LCE3D: variants seen among roughly 807,000 people sequenced by gnomAD.
The protein encoded by LCE3D is late cornified envelope protein 3D.
For synonymous variants in LCE3D, 46 were observed against 47.3 expected, an observed-to-expected ratio of 0.97 and a Z score of 0.11; for missense variants, 124 against 121.1, an observed-to-expected ratio of 1.02 and a Z score of -0.11.
In LCE3D at chr1:152,579,951, A is replaced by G. The variant is rs1479004034; in HGVS notation, c.-15T>C. 6.2e-7 allele frequency: 1 copy of G among 1,613,718 alleles called. No homozygotes were observed. Among genetic ancestry groups the G allele is most frequent in the African/African-American group, 1.3e-5 (1 of 74,904 alleles). ...TGGCAGGACATCTTGGCAGGAGTTGAGTTGTCCTGGACAAAACAAAGCCAT... is the reference window on the plus strand; with the variant it reads ...TGGCAGGACATCTTGGCAGGAGTTGGGTTGTCCTGGACAAAACAAAGCCAT... On this transcript the variant is annotated 5_prime_UTR_variant, in exon 2 of 2. Coordinates refer to ENST00000368787, the MANE Select transcript of LCE3D (RefSeq NM_032563.2).
chr1:152,579,456 G>C lies in LCE3D; in HGVS notation c.*202C>G. ...CTGCCAATCCTTCACAGGTACAGGG[G>C]TAAGGGAACATGTGACATCCTGGAC... On this transcript the variant is annotated 3_prime_UTR_variant, in exon 2 of 2. Coordinates refer to ENST00000368787, the MANE Select transcript of LCE3D (RefSeq NM_032563.2). 1 of 748,982 alleles carries C rather than the reference G, an allele frequency of 1.3e-6. No homozygotes were observed. The highest frequency in any genetic ancestry group is 2.1e-6 in the Non-Finnish European group (1 of 468,510). The allele number at this position is 748,982 out of a possible 1,614,324, so 46.4% of individuals were successfully genotyped here. A position where few individuals can be genotyped will look rare whatever the true frequency, so the allele number is the denominator to read the frequency against.
In LCE3D at chr1:152,579,591, G is replaced by T; in HGVS notation, c.*67C>A. The T allele has an allele frequency of 6.2e-7, 1 of 1,606,102 alleles. No individual in the cohort carries two copies. Among genetic ancestry groups the T allele is most frequent in the South Asian group, 1.1e-5 (1 of 90,182 alleles). On this transcript the variant is annotated 3_prime_UTR_variant, in exon 2 of 2. Coordinates refer to ENST00000368787, the MANE Select transcript of LCE3D (RefSeq NM_032563.2). ...ATCTGGGAACTCATGCATCAAGATG[G>T]GGTTTTCCTGGGCCCTTGGGATTCT...
At position 152,579,505 on chromosome 1, in the gene LCE3D, G is replaced by T; in HGVS notation, c.*153C>A. The T allele has an allele frequency of 8.5e-7, 1 of 1,182,362 alleles. No homozygotes were observed. Among genetic ancestry groups the T allele is most frequent in the African/African-American group, 1.5e-5 (1 of 65,754 alleles). 73.2% of individuals were successfully genotyped at this position (1,182,362 alleles called of 1,614,324 possible). A position where few individuals can be genotyped will look rare whatever the true frequency, so the allele number is the denominator to read the frequency against. On this transcript the variant is annotated 3_prime_UTR_variant, in exon 2 of 2. Coordinates refer to ENST00000368787, the MANE Select transcript of LCE3D (RefSeq NM_032563.2). ...ACATCAGACAGGAAGTGCCTTCTGG[G>T]GAGAGCTCAGACCTTCCACAGGAAA...
In LCE3D at chr1:152,579,881, G is replaced by T. The variant is rs767104624; in HGVS notation, c.56C>A (p.Pro19His). 4 of 1,613,882 alleles carry T rather than the reference G, an allele frequency of 2.5e-6. No individual in the cohort carries two copies. The highest frequency in any genetic ancestry group is 3.4e-6 in the Non-Finnish European group (4 of 1,180,032). The part of the protein sequence containing the change: ...QCQPPPKCPS[P>H]KCPPKSPVQC... ...TACTGGGCTCTTTGGGGGACACTTG[G>T]GTGAGGGACACTTGGGTGGGGGTTG... The change falls in exon 2 of 2, where the codon CCC becomes CAC. Residue 19 changes from proline (P) to histidine (H), a missense_variant. By Grantham distance (77) the Pro-to-His change is moderately conservative. Coordinates refer to ENST00000368787, the MANE Select transcript of LCE3D (RefSeq NM_032563.2).
In LCE3D at chr1:152,579,506, G is replaced by A. The variant is rs1430231076; in HGVS notation, c.*152C>T. The A allele has an allele frequency of 1.6e-5, 19 of 1,191,064 alleles. No individual in the cohort carries two copies. Among genetic ancestry groups the A allele is most frequent in the Non-Finnish European group, 2.0e-5 (17 of 848,714 alleles). 73.8% of individuals were successfully genotyped at this position (1,191,064 alleles called of 1,614,324 possible). ...CATCAGACAGGAAGTGCCTTCTGGG[G>A]AGAGCTCAGACCTTCCACAGGAAAA... On this transcript the variant is annotated 3_prime_UTR_variant, in exon 2 of 2. Transcript: ENST00000368787.
rs1205901152 is a variant in LCE3D at position 152,579,670 on chromosome 1, T to C, written c.267A>G (p.Gly89=). 1.2e-6 allele frequency: 2 copies of C among 1,613,770 alleles called. No individual in the cohort carries two copies. The highest frequency in any genetic ancestry group is 2.2e-5 in the East Asian group (1 of 44,856). ...ATCAGGATCCAGGTCAGCAGCAGCC[T>C]CCAGAGCCATGGCCGCAGCCAGAGC... ...GGGSGCGHGS[G]GCC The change falls in exon 2 of 2, where the codon GGA becomes GGG. Residue 89 remains glycine, a synonymous_variant. Coordinates refer to ENST00000368787, the MANE Select transcript of LCE3D (RefSeq NM_032563.2).
At position 152,579,600 on chromosome 1, in the gene LCE3D, T is replaced by C; in HGVS notation, c.*58A>G. On this transcript the variant is annotated 3_prime_UTR_variant, in exon 2 of 2. Transcript: ENST00000368787. ...CTCATGCATCAAGATGGGGTTTTCC[T>C]GGGCCCTTGGGATTCTTGTTTCCTC... 6.2e-7 allele frequency: 1 copy of C among 1,609,812 alleles called. No individual in the cohort carries two copies. The highest frequency in any genetic ancestry group is 8.5e-7 in the Non-Finnish European group (1 of 1,178,704).
At chr1:152,580,001 A>G in intron 1 of LCE3D, 44 bp from the exon 2 acceptor site, 1 of 1,611,454 alleles carries the variant, frequency 6.2e-7, no homozygotes, top group East Asian at 2.2e-5. Context: ...TCTACAGTCC[A>G]ATGTCTCTAA....
At chr1:152,580,169 T>C (rs1332239306) in intron 1 of LCE3D, among the ~76,000 whole-genome samples, 1 of 151,928 alleles carries the variant, frequency 6.6e-6, no homozygotes, top group Non-Finnish European at 1.5e-5. Flanking sequence ...AAAGAGCCTC[T>C]AGGAATGTAC....
chr1:152,579,786 C>T lies in LCE3D; in HGVS notation c.151G>A (p.Gly51Ser), dbSNP rs145962377. The change falls in exon 2 of 2, where the codon GGC becomes AGC. Residue 51 changes from glycine to serine, a missense_variant. Transcript: ENST00000368787. ...SGGCGPSSEG[G>S]CFLNHHRRHH... ...CGCCTGTGGTGGTTCAGGAAGCAGCCGCCCTCGGAGCTAGGGCCACAGCCC... is the reference window on the plus strand; with the variant it reads ...CGCCTGTGGTGGTTCAGGAAGCAGCTGCCCTCGGAGCTAGGGCCACAGCCC... 4.6e-4 allele frequency: 740 copies of T among 1,613,834 alleles called. No individual in the cohort carries two copies. Among genetic ancestry groups the T allele is most frequent in the Non-Finnish European group, 5.8e-4 (680 of 1,180,026 alleles).
chr1:152,579,976 T>A lies in LCE3D; in HGVS notation c.-21-19A>T. 6.2e-7 allele frequency: 1 copy of A among 1,613,646 alleles called. No homozygotes were observed. Among genetic ancestry groups the A allele is most frequent in the Non-Finnish European group, 8.5e-7 (1 of 1,179,960 alleles). On this transcript the variant is annotated intron_variant, in intron 1 of 1. Transcript: ENST00000368787. ...AGTTGTCCTGGACAAAACAAAGCCA[T>A]TTGTTAGTCCAAAATCTACAGTCCA...
rs201921868 is a variant in LCE3D at position 152,579,792 on chromosome 1, C to T, written c.145G>A (p.Glu49Lys). ...PSSGGCGPSS[E>K]GGCFLNHHRR... The stretch of plus-strand genomic sequence containing the variant: ...TGGTGGTTCAGGAAGCAGCCGCCCT[C>T]GGAGCTAGGGCCACAGCCCCCAGAG... The change falls in exon 2 of 2, where the codon GAG becomes AAG. Residue 49 changes from glutamate to lysine, a missense_variant. Coordinates refer to ENST00000368787, the MANE Select transcript of LCE3D (RefSeq NM_032563.2). The T allele has an allele frequency of 3.6e-5, 58 of 1,613,808 alleles. No individual in the cohort carries two copies. Among genetic ancestry groups the T allele is most frequent in the South Asian group, 5.5e-5 (5 of 91,080 alleles).
Position 152,579,437 on chromosome 1 carries a change from A to G in LCE3D, c.*221T>C, listed in dbSNP as rs879230874. 108 of 679,592 alleles carry G rather than the reference A, an allele frequency of 1.6e-4. 2 individuals are homozygous for G. In the South Asian group the frequency reaches 2.0e-3, roughly 13 times the overall value. The allele number at this position is 679,592 out of a possible 1,614,324, so 42.1% of individuals were successfully genotyped here. ...ATGAGGTCAGGCACAAGCACTGCCA[A>G]TCCTTCACAGGTACAGGGGTAAGGG... On this transcript the variant is annotated 3_prime_UTR_variant, in exon 2 of 2. Coordinates refer to ENST00000368787, the MANE Select transcript of LCE3D (RefSeq NM_032563.2).
rs138117867 is a variant in LCE3D, at chr1:152,579,753, G to A, written c.184C>T (p.Arg62Ter). 151 of 1,613,824 alleles carry A rather than the reference G, an allele frequency of 9.4e-5. 1 individual carries two copies. Among genetic ancestry groups the A allele is most frequent in the African/African-American group, 8.1e-4 (61 of 75,046 alleles). ...GAGTTGGGCCTCTGGCGCCGGCATC[G>A]GTGGTGGCGCCTGTGGTGGTTCAGG... ...CFLNHHRRHH[R>*]CRRQRPNSCD... Residue 62 changes from arginine to a stop codon, truncating the protein, a stop_gained, in exon 2 of 2, where the codon CGA (arginine) becomes TGA (stop). Coordinates refer to ENST00000368787, the MANE Select transcript of LCE3D (RefSeq NM_032563.2). LOFTEE classifies it low-confidence loss of function (END_TRUNC).
Position 152,579,639 on chromosome 1 carries a change from C to A in LCE3D, c.*19G>T, listed in dbSNP as rs1386252024. Reference sequence around the variant, plus strand: ...TCTTGTTTCCTCCAAAATCGCTTGTCTCAGCATCAGGATCCAGGTCAGCAG... The same window carrying A: ...TCTTGTTTCCTCCAAAATCGCTTGTATCAGCATCAGGATCCAGGTCAGCAG... On this transcript the variant is annotated 3_prime_UTR_variant, in exon 2 of 2. Transcript: ENST00000368787. 1.2e-6 allele frequency: 2 copies of A among 1,613,582 alleles called. No individual in the cohort carries two copies. Among genetic ancestry groups the A allele is most frequent in the East Asian group, 2.2e-5 (1 of 44,878 alleles).
chr1:152,579,845 G>T lies in LCE3D; in HGVS notation c.92C>A (p.Pro31His). 5 of 1,613,942 alleles carry T rather than the reference G, an allele frequency of 3.1e-6. No individual in the cohort carries two copies. Among genetic ancestry groups the T allele is most frequent in the Non-Finnish European group, 4.2e-6 (5 of 1,180,048 alleles). The change falls in exon 2 of 2, where the codon CCT (proline) becomes CAT (histidine). Residue 31 changes from proline to histidine, a missense_variant. By Grantham distance (77) the Pro-to-His change is moderately conservative. Coordinates refer to ENST00000368787, the MANE Select transcript of LCE3D (RefSeq NM_032563.2). ...TGGGGCACAGCCAGAGGAAGCTGGA[G>T]GCAGACACTGTACTGGGCTCTTTGG... ...CPPKSPVQCL[P>H]PASSGCAPSS...
At chr1:152,580,061 T>C (rs1660190465) in intron 1 of LCE3D, 104 bp from the exon 2 acceptor site, 4 of 1,432,758 alleles carry the variant, frequency 2.8e-6, no homozygotes, top group South Asian at 2.6e-5. Context: ...GGGAAGCTGA[T>C]GTGGAGTTGG....
In LCE3D at chr1:152,580,324, T is replaced by TGGCCCC. The variant is rs987290344; in HGVS notation, c.-22+139_-22+144dup. 4.5e-4 allele frequency: 116 copies of TGGCCCC among 256,550 alleles called. 2 individuals carry two copies. Among genetic ancestry groups the TGGCCCC allele is most frequent in the Non-Finnish European group, 1.5e-4 (20 of 133,912 alleles). 15.9% of individuals were successfully genotyped at this position (256,550 alleles called of 1,614,324 possible). A position where few individuals can be genotyped will look rare whatever the true frequency, so the allele number is the denominator to read the frequency against. ...GTCAGTTCCTGCAGGGTCTCCCTCC[T>TGGCCCC]GGCCCCAGTTCCCACATTGGTACCC... On this transcript the variant is annotated intron_variant, in intron 1 of 1. Coordinates refer to ENST00000368787, the MANE Select transcript of LCE3D (RefSeq NM_032563.2).
intron 1 of LCE3D, 25 bp from the exon 2 acceptor site, chr1:152,579,982 AG>A (rs774803307): frequency 1.2e-6 from 2 of 1,613,578 alleles, no homozygotes; most frequent in Non-Finnish European, 1.7e-6. Context: ...GCCATTTGTT[AG>A]TCCAAAATCT....
Sources: gnomAD v4.1 joint callset for allele counts (sites outside exome capture counted in the v4.1 genomes callset) on GRCh38, gnomAD v4.1.1 for gene constraint, MANE v1.5 for transcripts, NCBI Gene and HGNC (gene_info 2026-07-23, HGNC 2026-07-21) for gene names.